The following SFSWAP variants were observed in gnomAD, a reference collection of about 807,000 sequenced individuals.
SFSWAP encodes the protein splicing factor SWAP.
Under a neutral mutation model 100.7 loss-of-function variants are expected in SFSWAP, and 17 were observed. The observed-to-expected ratio is 0.17, with a 90% CI of 0.12 to 0.25. The LOEUF is 0.25. Ranked by LOEUF, SFSWAP falls within the 10% of genes least tolerant of loss-of-function variation. SFSWAP has a pLI of 1.00. For synonymous variants in SFSWAP, 504 were observed against 510.1 expected, an observed-to-expected ratio of 0.99 and a Z score of 0.16; for missense variants, 1,005 against 1,262.6, an observed-to-expected ratio of 0.80 and a Z score of 3.09.
At chr12:131,717,167 GT>G (rs1289764279) in intron 3 of SFSWAP, among the ~76,000 whole-genome samples, 3 of 152,012 alleles carry the variant, frequency 2.0e-5, no homozygotes, top group Non-Finnish European at 4.4e-5. Context: ...CCCATTGAGC[GT>G]CACATTCTGT....
At chr12:131,779,667 G>A (rs1884341596) in intron 14 of SFSWAP, among the ~76,000 whole-genome samples, 1 of 152,066 alleles carries the variant, frequency 6.6e-6, no homozygotes, top group Admixed American at 6.6e-5. Context: ...ATGTTTCTGT[G>A]GGAAAAATAC....
intron 13 of SFSWAP, among the ~76,000 whole-genome samples, chr12:131,772,608 G>A (rs998876383): frequency 2.0e-5 from 3 of 152,196 alleles, no homozygotes; most frequent in Admixed American, 6.5e-5. Flanking sequence ...TCTGGCGGGA[G>A]CAGGCTCTGC....
rs975952144 is a variant in SFSWAP, at chr12:131,794,109, C to T, written c.2535-3069C>T. On this transcript the variant is annotated intron_variant, in intron 15 of 17. Transcript: ENST00000261674. This position sits in a 1 kb window ranked among gnomAD's most constrained non-coding sequence, Gnocchi z 4.8. ...CCGAAAACTGGAAACAACCAAATCT[C>T]TATTAACAGGAGAATGAATCAACAG... is the stretch of plus-strand genomic sequence containing the variant. Among the ~76,000 whole-genome samples, 37 of 152,340 alleles carry T rather than the reference C, an allele frequency of 2.4e-4. No homozygotes were observed. The highest frequency in any genetic ancestry group is 2.0e-3 in the Admixed American group (31 of 15,304).
intron 7 of SFSWAP, among the ~76,000 whole-genome samples, chr12:131,738,961 T>G (rs1880330944): frequency 3.1e-5 from 2 of 63,598 alleles, no homozygotes; most frequent in Admixed American, 4.3e-4. Context: ...TAGCGTGATC[T>G]TGGCTCACTG....
At chr12:131,770,245 C>T (rs1266462687) in intron 13 of SFSWAP, among the ~76,000 whole-genome samples, 2 of 152,214 alleles carry the variant, frequency 1.3e-5, no homozygotes, top group African/African-American at 2.4e-5. Flanking sequence ...GTGAAATTCT[C>T]GGAGTCCAGG....
chr12:131,783,822 A>ATATATATATATATATATAG, intron 14 of SFSWAP: 1 of 125,344 alleles, frequency 8.0e-6, no homozygotes. Flanking sequence ...ATATATATAT[A>ATATATATATATATATATAG]ATTCTTTGTA....
chr12:131,797,296 C>T lies in SFSWAP; in HGVS notation c.2653C>T (p.His885Tyr). The T allele has an allele frequency of 6.2e-6, 10 of 1,611,398 alleles. No individual in the cohort carries two copies. Among genetic ancestry groups the T allele is most frequent in the Non-Finnish European group, 8.5e-6 (10 of 1,178,980 alleles). The change falls in exon 16 of 18, where the codon CAC (histidine) becomes TAC (tyrosine). Residue 885 changes from histidine to tyrosine, a missense_variant. Coordinates refer to ENST00000261674, the MANE Select transcript of SFSWAP (RefSeq NM_004592.4). Reference protein sequence around the residue: ...AAPRPAAPAAHSAHSASVSPV... With the variant: ...AAPRPAAPAAYSAHSASVSPV... ...GCCCCGGCCCGCGGCCCCCGCGGCCCACTCGGCGCACTCAGCCAGCGTCTC... is the reference window on the plus strand; with the variant it reads ...GCCCCGGCCCGCGGCCCCCGCGGCCTACTCGGCGCACTCAGCCAGCGTCTC...
At position 131,728,285 on chromosome 12, in the gene SFSWAP, G is replaced by T. The variant is rs1451322183; in HGVS notation, c.946-8G>T. On this transcript the variant is annotated splice_region_variant and splice_polypyrimidine_tract_variant and intron_variant, in intron 6 of 17. Transcript: ENST00000261674. ...TGAATGCTAAGGCTGTGTCTTCTCT[G>T]TTTCCAGCCCTTGAAGGTAGTGGAC... 36 of 1,614,072 alleles carry T rather than the reference G, an allele frequency of 2.2e-5. No individual in the cohort carries two copies. Among genetic ancestry groups the T allele is most frequent in the Non-Finnish European group, 2.9e-5 (34 of 1,180,010 alleles).
chr12:131,798,007 G>C (rs999562901), intron 16 of SFSWAP, among the ~76,000 whole-genome samples: 1 of 152,228 alleles, frequency 6.6e-6, no homozygotes. Flanking sequence ...CAGCTAATTT[G>C]AGATGGATTA....
chr12:131,777,789 T>C (rs1378811049), intron 13 of SFSWAP, among the ~76,000 whole-genome samples: 4 of 152,178 alleles, frequency 2.6e-5, no homozygotes, highest in African/African-American at 9.7e-5. Flanking sequence ...AATACTCTAA[T>C]ACTGTGCTCC....
Position 131,714,658 on chromosome 12 carries a change from A to G in SFSWAP, c.389-164A>G. On this transcript the variant is annotated intron_variant, in intron 2 of 17. Transcript: ENST00000261674. The surrounding 1 kb of genome is among the most constrained non-coding windows in gnomAD (Gnocchi z 6.0). ...GGTAAACATGTACTGACAAAAGTAC[A>G]TAATGATAGATATAAAGTGTGAATT... The G allele has an allele frequency of 1.6e-6, 1 of 636,620 alleles. No homozygotes were observed. Among genetic ancestry groups the G allele is most frequent in the Non-Finnish European group, 2.7e-6 (1 of 373,830 alleles). 39.4% of individuals were successfully genotyped at this position (636,620 alleles called of 1,614,324 possible). A position where few individuals can be genotyped will look rare whatever the true frequency, so the allele number is the denominator to read the frequency against.
At chr12:131,797,131 G>T in intron 15 of SFSWAP, 47 bp from the exon 16 acceptor site, 1 of 1,557,042 alleles carries the variant, frequency 6.4e-7, no homozygotes, top group South Asian at 1.1e-5. Flanking sequence ...TTTGTGCCCT[G>T]CCTTTAAACC....
intron 11 of SFSWAP, chr12:131,756,878 C>T (rs1388211850): frequency 9.7e-6 from 5 of 517,846 alleles, no homozygotes; most frequent in Non-Finnish European, 1.7e-5. Context: ...GTTTAACAGT[C>T]TGTTCAGTGT....
Position 131,714,859 on chromosome 12 carries a change from G to A in SFSWAP, c.426G>A (p.Glu142=), listed in dbSNP as rs1276094566. ...EYKRLSEALA[E]DGSYNAVGFT... ...AGCGATTGAGTGAAGCACTAGCAGA[G>A]GATGGGAGCTACAATGCCGTGGGGT... Residue 142 remains glutamate, a synonymous_variant, in exon 3 of 18, where the codon GAG becomes GAA. Coordinates refer to ENST00000261674, the MANE Select transcript of SFSWAP (RefSeq NM_004592.4). This position sits in a 1 kb window ranked among gnomAD's most constrained non-coding sequence, Gnocchi z 6.0. 3.1e-6 allele frequency: 5 copies of A among 1,613,996 alleles called. No homozygotes were observed. Among genetic ancestry groups the A allele is most frequent in the Non-Finnish European group, 3.4e-6 (4 of 1,179,964 alleles).
chr12:131,758,181 AG>A (rs1260728451), intron 11 of SFSWAP: 1 of 152,952 alleles, frequency 6.5e-6, no homozygotes, highest in East Asian at 1.9e-4. Flanking sequence ...GGGTGTGCAG[AG>A]GGGTTGTGAG....
At chr12:131,729,841 C>T (rs967349308) in intron 7 of SFSWAP, among the ~76,000 whole-genome samples, 1 of 152,204 alleles carries the variant, frequency 6.6e-6, no homozygotes, top group Non-Finnish European at 1.5e-5. Context: ...AAAACATCAG[C>T]TCCTCTTTAT....
chr12:131,753,748 G>A (rs529742897), intron 8 of SFSWAP, among the ~76,000 whole-genome samples: 1 of 152,204 alleles, frequency 6.6e-6, no homozygotes, highest in African/African-American at 2.4e-5. Flanking sequence ...GGTGATGTTG[G>A]GGTGCTTCAT....
At position 131,711,253 on chromosome 12, in the gene SFSWAP, C is replaced by T. The variant is rs376621789; in HGVS notation, c.24C>T (p.Arg8=). The change falls in exon 1 of 18, where the codon CGC becomes CGT. Residue 8 remains arginine (R), a synonymous_variant. Coordinates refer to ENST00000261674, the MANE Select transcript of SFSWAP (RefSeq NM_004592.4). This position sits in a 1 kb window ranked among gnomAD's most constrained non-coding sequence, Gnocchi z 4.9. MYGASGG[R]AKPERKSGAK... is the part of the protein sequence containing the mutation. ...TCATGTACGGCGCGAGCGGGGGCCG[C>T]GCCAAACCCGAGAGGAAAAGCGGCG... is the stretch of plus-strand genomic sequence containing the variant. The T allele has an allele frequency of 1.2e-4, 192 of 1,607,940 alleles. No homozygotes were observed. The African/African-American group carries it at 2.2e-3, about 18-fold the overall frequency.
At chr12:131,724,981 C>G (rs1285320917) in intron 4 of SFSWAP, among the ~76,000 whole-genome samples, 1 of 152,128 alleles carries the variant, frequency 6.6e-6, no homozygotes, top group South Asian at 2.1e-4. Context: ...ACCTAGTCCC[C>G]GCTAAGAAGA....
Sources: gnomAD v4.1 joint callset for allele counts (sites outside exome capture counted in the v4.1 genomes callset) on GRCh38, gnomAD v4.1.1 for gene constraint, Gnocchi (gnomAD v3.1) non-coding constraint, MANE v1.5 for transcripts, NCBI Gene and HGNC (gene_info 2026-07-23, HGNC 2026-07-21) for gene names.